Variants in COBL observed in about 807,000 individuals in gnomAD.
COBL encodes the protein cordon-bleu WH2 repeat protein, also known as protein cordon-bleu.
Under a neutral mutation model 98.8 loss-of-function variants are expected in COBL, and 51 were observed. That is an observed-to-expected ratio of 0.52 (90% CI 0.41 to 0.65). The LOEUF is 0.65. Ranked by LOEUF, COBL falls within the 30% of genes least tolerant of loss-of-function variation. The pLI, the probability that COBL is intolerant of heterozygous loss-of-function variation, is 0.00. For missense variants in COBL, 1,617 were observed against 1,617.5 expected (o/e 1.00, Z 0.01); for synonymous variants, 634 against 651.7 (o/e 0.97, Z 0.41).
intron 3 of COBL, among the ~76,000 whole-genome samples, chr7:51,192,366 G>A (rs1250789143): frequency 2.0e-5 from 3 of 152,192 alleles, no homozygotes; most frequent in Non-Finnish European, 4.4e-5. Context: ...CCAGCACTTT[G>A]GGAGGCTGAG....
At chr7:51,068,821 A>T (rs1792231380) in intron 7 of COBL, among the ~76,000 whole-genome samples, 1 of 152,222 alleles carries the variant, frequency 6.6e-6, no homozygotes, top group South Asian at 2.1e-4. Context: ...TTGCAATATT[A>T]AATGGAGACT....
intron 5 of COBL, among the ~76,000 whole-genome samples, chr7:51,140,751 C>T (rs1055107902): frequency 1.3e-5 from 2 of 152,206 alleles, no homozygotes; most frequent in Non-Finnish European, 2.9e-5. Context: ...CCTGATAGGG[C>T]ACTGAGAGTG....
intron 1 of COBL, among the ~76,000 whole-genome samples, chr7:51,235,796 A>T (rs1795201704): frequency 6.6e-6 from 1 of 152,100 alleles, no homozygotes; most frequent in African/African-American, 2.4e-5. Flanking sequence ...GCTTGGCCCA[A>T]CATGGGAGGC....
At chr7:51,160,964 C>T (rs1199668554) in intron 5 of COBL, among the ~76,000 whole-genome samples, 3 of 151,238 alleles carry the variant, frequency 2.0e-5, no homozygotes, top group African/African-American at 7.3e-5. Context: ...AGTGCAGTGG[C>T]GCAATCGAGG....
chr7:51,192,338 T>C (rs1790198830), intron 3 of COBL, among the ~76,000 whole-genome samples: 1 of 152,216 alleles, frequency 6.6e-6, no homozygotes, highest in Admixed American at 6.5e-5. Context: ...CTGGGTATGG[T>C]GGTTCAGGCC....
intron 6 of COBL, among the ~76,000 whole-genome samples, chr7:51,086,984 A>ATT (rs35617183): frequency 8.7e-5 from 13 of 148,870 alleles, no homozygotes; most frequent in South Asian, 2.1e-4. Flanking sequence ...AGCATTTCAC[A>ATT]TTTTTTTTTT....
chr7:51,155,535 A>T (rs753437576), intron 5 of COBL, among the ~76,000 whole-genome samples: 1 of 133,386 alleles, frequency 7.5e-6, no homozygotes, highest in Non-Finnish European at 1.6e-5. Flanking sequence ...GGTTGCAGTG[A>T]GCTGAGATCA....
intron 1 of COBL, among the ~76,000 whole-genome samples, chr7:51,244,450 T>A (rs1008698233): frequency 2.6e-5 from 4 of 152,156 alleles, no homozygotes; most frequent in Admixed American, 6.5e-5. Flanking sequence ...GCCACTCACA[T>A]GTCCAAAACC....
chr7:51,094,609 T>C (rs529108662), intron 6 of COBL, among the ~76,000 whole-genome samples: 9 of 152,126 alleles, frequency 5.9e-5, no homozygotes, highest in East Asian at 1.9e-4. Context: ...ATTACAAGAA[T>C]TGGTAAAGGA....
At chr7:51,139,082 A>AT (rs986281663) in intron 5 of COBL, among the ~76,000 whole-genome samples, 10 of 151,920 alleles carry the variant, frequency 6.6e-5, no homozygotes, top group East Asian at 1.9e-4. Context: ...TTAATTCATA[A>AT]TTTTTTTTGC....
intron 1 of COBL, among the ~76,000 whole-genome samples, chr7:51,272,029 TATAA>T (rs773626560): frequency 6.6e-6 from 1 of 152,144 alleles, no homozygotes; most frequent in African/African-American, 2.4e-5. Context: ...ACTGTCTCAA[TATAA>T]ATAAATAAAT....
chr7:51,072,372 T>C (rs1170376528), intron 7 of COBL: 2 of 152,246 alleles, frequency 1.3e-5, no homozygotes. Context: ...CGTAACTGGG[T>C]GAGGTTGTGT....
chr7:51,065,199 G>C (rs1791782932), intron 7 of COBL: 1 of 703,124 alleles, frequency 1.4e-6, no homozygotes, highest in African/African-American at 1.7e-5. Flanking sequence ...CACAAGATGG[G>C]TTGTGTGTGT....
At chr7:51,258,206 C>G (rs952917837) in intron 1 of COBL, among the ~76,000 whole-genome samples, 6 of 152,092 alleles carry the variant, frequency 3.9e-5, no homozygotes, top group Non-Finnish European at 7.4e-5. Context: ...TGGTTAAAAC[C>G]ATATACTTTT....
chr7:51,107,629 C>T (rs1489578094), intron 6 of COBL, among the ~76,000 whole-genome samples: 1 of 152,066 alleles, frequency 6.6e-6, no homozygotes, highest in African/African-American at 2.4e-5. Context: ...TAAAATTGTA[C>T]ACTGGTGCAT....
chr7:51,303,331 C>T (rs865956364), intron 1 of COBL, among the ~76,000 whole-genome samples: 1 of 152,130 alleles, frequency 6.6e-6, no homozygotes, highest in Non-Finnish European at 1.5e-5. Flanking sequence ...GAGGCCAAGG[C>T]GGCCAGATTG....
intron 7 of COBL, among the ~76,000 whole-genome samples, chr7:51,053,237 T>C (rs1790404825): frequency 6.6e-6 from 1 of 152,178 alleles, no homozygotes; most frequent in Non-Finnish European, 1.5e-5. Context: ...CTGCCTACAA[T>C]CCCCTTTGAA....
intron 8 of COBL, among the ~76,000 whole-genome samples, chr7:51,036,329 T>C (rs1347134875): frequency 9.1e-6 from 1 of 109,498 alleles, no homozygotes; most frequent in Non-Finnish European, 1.6e-5. Flanking sequence ...AGAGTGAGAC[T>C]CCGTCTCAAA....
rs1786337346 is a variant in COBL, at chr7:51,016,927, T to A, written c.*624A>T. 2 of 399,442 alleles carry A rather than the reference T, an allele frequency of 5.0e-6. No homozygotes were observed. The highest frequency in any genetic ancestry group is 8.8e-6 in the Non-Finnish European group (2 of 226,712). 24.7% of individuals were successfully genotyped at this position (399,442 alleles called of 1,614,324 possible). A position where few individuals can be genotyped will look rare whatever the true frequency, so the allele number is the denominator to read the frequency against. On this transcript the variant is annotated 3_prime_UTR_variant, in exon 13 of 13. Coordinates refer to ENST00000265136, the MANE Select transcript of COBL (RefSeq NM_015198.5). ...GTGGTAATAGTTGATTTTTAAAAGC[T>A]TAGTTGGTCAGATCATGGACTGTGA...
Sources: allele counts gnomAD v4.1 joint callset (sites outside exome capture counted in the v4.1 genomes callset), GRCh38; gene constraint gnomAD v4.1.1; transcripts MANE v1.5; gene names NCBI Gene and HGNC (gene_info 2026-07-23, HGNC 2026-07-21).